Variants in HDAC8 observed in about 807,000 individuals in gnomAD.
HDAC8 encodes the protein histone deacetylase 8, also known as histone deacetylase-like 1.
Under a neutral mutation model 32.2 loss-of-function variants are expected in HDAC8, and 1 was observed. The observed-to-expected ratio is 0.03, with a 90% CI of 0.01 to 0.15. HDAC8 has a LOEUF of 0.15. Among genes scored for constraint, HDAC8 ranks in the 10% least tolerant of loss-of-function variants. HDAC8 has a pLI of 1.00. For missense variants in HDAC8, 117 were observed against 300.0 expected (o/e 0.39, Z 4.51); for synonymous variants, 108 against 113.9 (o/e 0.95, Z 0.33).
chrX:72,538,339 A>G (rs782771334), intron 4 of HDAC8, among the ~76,000 whole-genome samples: 1 of 109,747 alleles, frequency 9.1e-6, no homozygotes, highest in African/African-American at 3.3e-5. Context: ...GCGCACCACC[A>G]CACCTGGTTA....
intron 10 of HDAC8, among the ~76,000 whole-genome samples, chrX:72,338,268 C>T (rs1260104680): frequency 9.0e-6 from 1 of 111,499 alleles, no homozygotes; most frequent in East Asian, 2.8e-4. Context: ...GTGCTCAGTA[C>T]CTATTCACTG....
At chrX:72,430,799 C>G (rs2046792502) in intron 9 of HDAC8, among the ~76,000 whole-genome samples, 1 of 111,849 alleles carries the variant, frequency 8.9e-6, no homozygotes, top group Non-Finnish European at 1.9e-5. Flanking sequence ...TGAAGCTGAC[C>G]ATGTGTTAGT....
chrX:72,444,349 G>A (rs1555983568), intron 9 of HDAC8, among the ~76,000 whole-genome samples: 1 of 110,741 alleles, frequency 9.0e-6, no homozygotes, highest in Admixed American at 9.6e-5. Flanking sequence ...TGATCAAGTG[G>A]GCTTCATCCC....
At chrX:72,399,964 TA>T (rs1337957994) in intron 9 of HDAC8, among the ~76,000 whole-genome samples, 2 of 112,041 alleles carry the variant, frequency 1.8e-5, no homozygotes, top group Non-Finnish European at 3.8e-5. Flanking sequence ...ACACTGTTGC[TA>T]AATCCAATGG....
At chrX:72,554,592 T>G in intron 4 of HDAC8, among the ~76,000 whole-genome samples, 1 of 111,024 alleles carries the variant, frequency 9.0e-6, no homozygotes, top group Non-Finnish European at 1.9e-5. Flanking sequence ...GGGAGCGGGG[T>G]GAAGCCTGTG....
At chrX:72,567,820 A>G in intron 4 of HDAC8, 69 bp downstream of exon 4, 4 of 1,211,045 alleles carry the variant, frequency 3.3e-6, no homozygotes, top group South Asian at 1.8e-5. Flanking sequence ...TACAATAAGC[A>G]TAAGAGTTTA....
At chrX:72,526,904 C>T (rs2050169571) in intron 4 of HDAC8, among the ~76,000 whole-genome samples, 1 of 111,150 alleles carries the variant, frequency 9.0e-6, no homozygotes, top group East Asian at 2.8e-4. Context: ...GCTTCATTAT[C>T]GCGCCCCTGG....
At chrX:72,571,408 T>C (rs1225443925) in intron 2 of HDAC8, among the ~76,000 whole-genome samples, 1 of 110,508 alleles carries the variant, frequency 9.0e-6, no homozygotes, top group Non-Finnish European at 1.9e-5. Context: ...AATACCCAAA[T>C]GTACTCAAAA....
At chrX:72,513,328 C>CTT (rs782414687) in intron 4 of HDAC8, among the ~76,000 whole-genome samples, 5 of 102,556 alleles carry the variant, frequency 4.9e-5, no homozygotes, top group African/African-American at 1.1e-4. Flanking sequence ...TTTCTAATTA[C>CTT]TTTTTTTTTT....
At chrX:72,352,459 A>G (rs2044210886) in intron 9 of HDAC8, among the ~76,000 whole-genome samples, 1 of 111,364 alleles carries the variant, frequency 9.0e-6, no homozygotes, top group Non-Finnish European at 1.9e-5. Context: ...GGGGTCCTCT[A>G]GGTGTTCACA....
intron 9 of HDAC8, among the ~76,000 whole-genome samples, chrX:72,396,849 A>G (rs982201516): frequency 1.4e-4 from 16 of 111,659 alleles, no homozygotes; most frequent in African/African-American, 4.9e-4. Context: ...AACAACAACA[A>G]CAAAAACAAC....
intron 9 of HDAC8, among the ~76,000 whole-genome samples, chrX:72,460,842 C>T (rs782403561): frequency 8.9e-6 from 1 of 111,893 alleles, no homozygotes; most frequent in South Asian, 3.8e-4. Flanking sequence ...CAGCACTTAC[C>T]TTTATATTTC....
intron 9 of HDAC8, among the ~76,000 whole-genome samples, chrX:72,405,844 T>C (rs1471566555): frequency 8.9e-6 from 1 of 112,281 alleles, no homozygotes; most frequent in African/African-American, 3.2e-5. Flanking sequence ...AAAGCTTCAT[T>C]GAGGTTTTTA....
At chrX:72,425,294 C>CT (rs781990752) in intron 9 of HDAC8, among the ~76,000 whole-genome samples, 9 of 110,674 alleles carry the variant, frequency 8.1e-5, no homozygotes, top group South Asian at 3.8e-4. Context: ...TTTAAGTTGA[C>CT]TTTTTTTTTG....
chrX:72,477,742 T>C (rs1317127863), intron 7 of HDAC8, among the ~76,000 whole-genome samples: 1 of 112,688 alleles, frequency 8.9e-6, no homozygotes, highest in Non-Finnish European at 1.9e-5. Flanking sequence ...GCACATAGAA[T>C]AACTCCAACT....
chrX:72,390,922 A>C (rs1183098966), intron 9 of HDAC8, among the ~76,000 whole-genome samples: 6 of 112,214 alleles, frequency 5.3e-5, no homozygotes, highest in Admixed American at 2.8e-4. Flanking sequence ...ATAATTTATA[A>C]AAATAATAAA....
At chrX:72,510,035 A>G (rs2049528998) in intron 4 of HDAC8, among the ~76,000 whole-genome samples, 1 of 111,701 alleles carries the variant, frequency 9.0e-6, no homozygotes, top group Non-Finnish European at 1.9e-5. Context: ...ATAATAGCCC[A>G]CTAAACTTTA....
At chrX:72,496,794 A>C (rs1487226273) in intron 4 of HDAC8, among the ~76,000 whole-genome samples, 2 of 109,215 alleles carry the variant, frequency 1.8e-5, no homozygotes, top group Non-Finnish European at 3.8e-5. Context: ...AAAAAAAAAA[A>C]AAAACCAATC....
chrX:72,556,285 A>G (rs1603229733), intron 4 of HDAC8, among the ~76,000 whole-genome samples: 1 of 111,919 alleles, frequency 8.9e-6, no homozygotes, highest in Non-Finnish European at 1.9e-5. Context: ...CTCAAAATAA[A>G]CTGAAATAGA....
Sources: gnomAD v4.1 joint callset for allele counts (sites outside exome capture counted in the v4.1 genomes callset) on GRCh38, gnomAD v4.1.1 for gene constraint, MANE v1.5 for transcripts, NCBI Gene and HGNC (gene_info 2026-07-23, HGNC 2026-07-21) for gene names.